Variants in DYM observed in about 807,000 individuals in gnomAD.
DYM encodes dyggve-Melchior-Clausen syndrome protein.
A neutral mutation model predicts 93.1 loss-of-function variants in DYM; 78 were observed. The ratio of observed to expected loss-of-function variants is 0.84; its 90% CI spans 0.70 to 1.01. The LOEUF (loss-of-function observed/expected upper bound fraction) is 1.01, where lower values mean the gene tolerates loss of function less well. DYM is among the 50% of genes least tolerant of loss of function. DYM has a pLI of 0.00. For missense variants in DYM, 789 were observed against 845.0 expected (o/e 0.93, Z 0.82); for synonymous variants, 321 against 319.7 (o/e 1.00, Z -0.04).
intron 5 of DYM, among the ~76,000 whole-genome samples, chr18:49,376,528 A>C (rs950482301): frequency 1.3e-5 from 2 of 152,238 alleles, no homozygotes; most frequent in Non-Finnish European, 2.9e-5. Flanking sequence ...TTTAGTCTAC[A>C]AACTTCTGAC....
chr18:49,235,038 A>G (rs899645403), intron 13 of DYM, among the ~76,000 whole-genome samples: 3 of 152,208 alleles, frequency 2.0e-5, no homozygotes, highest in African/African-American at 7.2e-5. Context: ...GATTCTTCCC[A>G]GAGCCTCCCA....
chr18:49,407,299 A>G (rs2071611776), intron 2 of DYM, among the ~76,000 whole-genome samples: 1 of 152,232 alleles, frequency 6.6e-6, no homozygotes, highest in South Asian at 2.1e-4. Flanking sequence ...ATAGAGCTAT[A>G]CATAAACACA....
At chr18:49,345,494 T>A (rs2064507697) in intron 6 of DYM, among the ~76,000 whole-genome samples, 1 of 152,130 alleles carries the variant, frequency 6.6e-6, no homozygotes, top group South Asian at 2.1e-4. Flanking sequence ...AAGGGAAGTG[T>A]CTTCCAAGTA....
At chr18:49,254,279 ATCATATATATATATATAT>A (rs2094345913) in intron 13 of DYM, among the ~76,000 whole-genome samples, 1 of 121,074 alleles carries the variant, frequency 8.3e-6, no homozygotes, top group African/African-American at 3.1e-5. Context: ...AGATCCTTGT[ATCATATATATATATATAT>A]ATATATATAT....
intron 1 of DYM, among the ~76,000 whole-genome samples, chr18:49,443,575 G>C (rs985927893): frequency 6.6e-6 from 1 of 152,178 alleles, no homozygotes; most frequent in Non-Finnish European, 1.5e-5. Context: ...TCACGAAGCT[G>C]TGCCAGCAAA....
chr18:49,414,194 G>C (rs2072636464), intron 2 of DYM, among the ~76,000 whole-genome samples: 1 of 152,116 alleles, frequency 6.6e-6, no homozygotes, highest in South Asian at 2.1e-4. Context: ...TTGTTTAATA[G>C]GTATAGCATT....
chr18:49,389,607 C>G (rs924610209), intron 3 of DYM, among the ~76,000 whole-genome samples: 1 of 152,270 alleles, frequency 6.6e-6, no homozygotes, highest in Non-Finnish European at 1.5e-5. Context: ...ATCAATCCTC[C>G]TACCTCAATC....
intron 11 of DYM, among the ~76,000 whole-genome samples, chr18:49,271,398 A>G (rs908796743): frequency 7.2e-5 from 11 of 152,186 alleles, no homozygotes; most frequent in African/African-American, 1.9e-4. Flanking sequence ...CTGTGTGCCG[A>G]CAAGCGTGCT....
At chr18:49,432,721 C>T (rs564416912) in intron 1 of DYM, among the ~76,000 whole-genome samples, 14 of 150,938 alleles carry the variant, frequency 9.3e-5, no homozygotes, top group African/African-American at 3.4e-4. Flanking sequence ...AAGGGAGCCT[C>T]ATTGCCTCAG....
intron 14 of DYM, among the ~76,000 whole-genome samples, chr18:49,171,968 A>G (rs1315717334): frequency 6.6e-6 from 1 of 152,178 alleles, no homozygotes; most frequent in Non-Finnish European, 1.5e-5. Flanking sequence ...TACAATAATG[A>G]TACAGACCAT....
chr18:49,382,964 C>G (rs2068197903), intron 3 of DYM, among the ~76,000 whole-genome samples: 1 of 152,162 alleles, frequency 6.6e-6, no homozygotes, highest in African/African-American at 2.4e-5. Flanking sequence ...CCGAAAGACT[C>G]ATGAGCTCTA....
chr18:49,136,700 C>T (rs2083890575), intron 15 of DYM, among the ~76,000 whole-genome samples: 2 of 152,090 alleles, frequency 1.3e-5, no homozygotes, highest in African/African-American at 4.8e-5. Flanking sequence ...TACTCTTAAT[C>T]AGGCATGAAG....
chr18:49,046,301 G>GCACACA (rs199501763), intron 17 of DYM, among the ~76,000 whole-genome samples: 7 of 142,128 alleles, frequency 4.9e-5, no homozygotes, highest in East Asian at 4.2e-4. Context: ...AGACATGCGC[G>GCACACA]CGCACACACA....
At chr18:49,203,234 G>A (rs2092237002) in intron 14 of DYM, among the ~76,000 whole-genome samples, 1 of 47,450 alleles carries the variant, frequency 2.1e-5, no homozygotes, top group East Asian at 4.7e-4. Context: ...GGTGGGGGGG[G>A]TCAGCCCCCC....
intron 6 of DYM, among the ~76,000 whole-genome samples, chr18:49,356,613 G>C (rs1341414189): frequency 2.0e-5 from 3 of 152,102 alleles, no homozygotes; most frequent in Non-Finnish European, 4.4e-5. Flanking sequence ...CAATAGCTAG[G>C]CCCTTCGTTG....
At chr18:49,331,805 T>A (rs754576441) in intron 8 of DYM, 59 bp downstream of exon 8, 28 of 1,594,818 alleles carry the variant, frequency 1.8e-5, no homozygotes, top group Non-Finnish European at 2.4e-5. Flanking sequence ...GAATTTCTTA[T>A]GCCTAAATAG....
At chr18:49,196,683 G>C (rs921234341) in intron 14 of DYM, among the ~76,000 whole-genome samples, 1 of 152,170 alleles carries the variant, frequency 6.6e-6, no homozygotes, top group Non-Finnish European at 1.5e-5. Flanking sequence ...ATAGAAAAGG[G>C]GTGAGCAACT....
intron 14 of DYM, among the ~76,000 whole-genome samples, chr18:49,175,526 A>T (rs2089280728): frequency 6.6e-6 from 1 of 152,204 alleles, no homozygotes; most frequent in East Asian, 1.9e-4. Flanking sequence ...ACATTATTTT[A>T]GGTTTATAAT....
rs74765254 is a variant in DYM, at chr18:49,418,767, C to T, written c.140+11488G>A. On this transcript the variant is annotated intron_variant, in intron 2 of 17. Transcript: ENST00000675505. ...TAATTCATGAACTAGGTAATTTTGG[C>T]CCCTGACTCTGTCAACAAGGGGGCA... is the stretch of plus-strand genomic sequence containing the variant. 7.5e-3 allele frequency among the ~76,000 whole-genome samples: 1,143 copies of T among 152,214 alleles called. 13 individuals are homozygous for T. The highest frequency in any genetic ancestry group is 0.026 in the African/African-American group (1,079 of 41,520).
Sources: allele counts gnomAD v4.1 joint callset (sites outside exome capture counted in the v4.1 genomes callset), GRCh38; gene constraint gnomAD v4.1.1; transcripts MANE v1.5; gene names NCBI Gene and HGNC (gene_info 2026-07-23, HGNC 2026-07-21).